HMMR: variants seen among roughly 807,000 people sequenced by gnomAD.
HMMR encodes intracellular hyaluronic acid-binding protein.
A neutral mutation model predicts 101.0 loss-of-function variants in HMMR; 108 were observed. The ratio of observed to expected loss-of-function variants is 1.07; its 90% CI spans 0.92 to 1.25. The LOEUF (loss-of-function observed/expected upper bound fraction) is 1.25. Among genes scored for constraint, HMMR ranks in the 50% most tolerant of loss-of-function variants. The pLI is 0.00. For synonymous variants in HMMR, 296 were observed against 276.4 expected (o/e 1.07, Z -0.70); for missense variants, 813 against 788.7 (o/e 1.03, Z -0.37).
At chr5:163,473,657 C>A in intron 9 of HMMR, 100 bp downstream of exon 9, 1 of 682,808 alleles carries the variant, frequency 1.5e-6, no homozygotes, top group Non-Finnish European at 2.4e-6. Context: ...ATATAATTAG[C>A]TATACTAACA....
chr5:163,483,611 T>TA (rs1431110199), intron 15 of HMMR, among the ~76,000 whole-genome samples: 6 of 151,908 alleles, frequency 3.9e-5, no homozygotes, highest in Non-Finnish European at 8.8e-5. Flanking sequence ...CTTTGTGGTT[T>TA]AAAAAAAAAC....
intron 11 of HMMR, among the ~76,000 whole-genome samples, chr5:163,476,590 A>T (rs1428697594): frequency 2.6e-5 from 4 of 152,132 alleles, no homozygotes; most frequent in Admixed American, 2.0e-4. Context: ...CTCAACGATT[A>T]TACCTGTTAA....
chr5:163,489,670 C>T (rs1759613213), intron 16 of HMMR, among the ~76,000 whole-genome samples: 1 of 152,178 alleles, frequency 6.6e-6, no homozygotes, highest in Non-Finnish European at 1.5e-5. Context: ...TTTCAACACA[C>T]TGTGCCCAAG....
At position 163,483,000 on chromosome 5, in the gene HMMR, T is replaced by C. The variant is rs761440573; in HGVS notation, c.1533-20T>C. On this transcript the variant is annotated intron_variant, in intron 13 of 17. Transcript: ENST00000393915. Reference sequence around the variant, plus strand: ...AGTGGCTATAAAATGTTTAGTGACCTCTTCTCTCTCAAACCAAAGGATGCT... The same window carrying C: ...AGTGGCTATAAAATGTTTAGTGACCCCTTCTCTCTCAAACCAAAGGATGCT... 6.4e-7 allele frequency: 1 copy of C among 1,561,430 alleles called. No homozygotes were observed. Among genetic ancestry groups the C allele is most frequent in the South Asian group, 1.2e-5 (1 of 82,162 alleles).
chr5:163,468,826 A>G (rs374420360), intron 4 of HMMR, among the ~76,000 whole-genome samples: 5 of 151,820 alleles, frequency 3.3e-5, no homozygotes, highest in African/African-American at 1.2e-4. Flanking sequence ...TAAAAATATC[A>G]TTTCATTGTC....
intron 1 of HMMR, among the ~76,000 whole-genome samples, chr5:163,462,912 A>G (rs1028236346): frequency 2.0e-5 from 3 of 151,502 alleles, no homozygotes; most frequent in Non-Finnish European, 4.4e-5. Flanking sequence ...TTGCCTGGGA[A>G]TGGTCCAAGC....
Position 163,483,346 on chromosome 5 carries a change from T to G in HMMR, c.1764T>G (p.Tyr588Ter). The G allele has an allele frequency of 6.3e-7, 1 of 1,588,604 alleles. No individual in the cohort carries two copies. The highest frequency in any genetic ancestry group is 8.6e-7 in the Non-Finnish European group (1 of 1,159,552). Residue 588 changes from tyrosine (Y) to a stop codon, truncating the protein, a stop_gained, in exon 15 of 18, where the codon TAT becomes TAG. Transcript: ENST00000393915. LOFTEE classifies it high-confidence loss of function. The stretch of plus-strand genomic sequence containing the variant: ...GGCGTCTCCTCTATGAAGAACTATA[T>G]AATAAAACAAAACCTTTTCAGGTTT... ...NKWRLLYEEL[Y>*]NKTKPFQLQL...
intron 12 of HMMR, among the ~76,000 whole-genome samples, chr5:163,480,044 A>G (rs1759204111): frequency 6.6e-6 from 1 of 152,220 alleles, no homozygotes; most frequent in Non-Finnish European, 1.5e-5. Flanking sequence ...AATGCATAAC[A>G]TGTACATAAA....
rs199817245 is a variant in HMMR, at chr5:163,478,792, A to G, written c.1377A>G (p.Gln459=). ...AAAGCCTTGAAGATGTTACTGCTCA[A>G]TTTGAAAGGTATTTTTCTTGGGAGC... ...MVQSLEDVTA[Q]FESYKALTAS... The change falls in exon 12 of 18, where the codon CAA becomes CAG. Residue 459 remains glutamine (Q), a synonymous_variant. Coordinates refer to ENST00000393915, the MANE Select transcript of HMMR (RefSeq NM_001142556.2). The G allele has an allele frequency of 8.3e-5, 130 of 1,574,584 alleles. No individual in the cohort carries two copies. The highest frequency in any genetic ancestry group is 9.5e-5 in the Non-Finnish European group (109 of 1,144,046).
rs1561645724 is a variant in HMMR, at chr5:163,483,313, T to G, written c.1731T>G (p.Ile577Met). The change falls in exon 15 of 18, where the codon ATT (isoleucine) becomes ATG (methionine). Residue 577 changes from isoleucine (I) to methionine (M), a missense_variant. Coordinates refer to ENST00000393915, the MANE Select transcript of HMMR (RefSeq NM_001142556.2). ...CAACAGCAGAATTAACTGAAGAAAT[T>G]AACAAGTGGCGTCTCCTCTATGAAG... The part of the protein sequence containing the change: ...ENTTAELTEE[I>M]NKWRLLYEEL... 6.2e-7 allele frequency: 1 copy of G among 1,610,874 alleles called. No homozygotes were observed. The highest frequency in any genetic ancestry group is 8.5e-7 in the Non-Finnish European group (1 of 1,177,354).
intron 7 of HMMR, among the ~76,000 whole-genome samples, chr5:163,471,997 T>C (rs1019026886): frequency 6.6e-6 from 1 of 152,084 alleles, no homozygotes. Context: ...AACTACTTTC[T>C]CACTTACATC....
Position 163,484,079 on chromosome 5 carries a change from A to C in HMMR, c.1796A>C (p.Asp599Ala). The change falls in exon 16 of 18, where the codon GAT becomes GCT. Residue 599 changes from aspartate (D) to alanine (A), a missense_variant. Physicochemically the swap from Asp to Ala is moderately radical, Grantham distance 126. Coordinates refer to ENST00000393915, the MANE Select transcript of HMMR (RefSeq NM_001142556.2). ...NKTKPFQLQL[D>A]AFEVEKQALL... is the part of the protein sequence containing the mutation. Reference sequence around the variant, plus strand: ...AAAAATCTTTTTCAGCTACAACTAGATGCTTTTGAAGTAGAAAAACAGGCA... The same window carrying C: ...AAAAATCTTTTTCAGCTACAACTAGCTGCTTTTGAAGTAGAAAAACAGGCA... 6.3e-7 allele frequency: 1 copy of C among 1,587,930 alleles called. No individual in the cohort carries two copies. Among genetic ancestry groups the C allele is most frequent in the Non-Finnish European group, 8.6e-7 (1 of 1,167,380 alleles).
chr5:163,469,861 G>A, intron 5 of HMMR, 32 bp downstream of exon 5: 1 of 1,448,750 alleles, frequency 6.9e-7, no homozygotes, highest in Non-Finnish European at 9.6e-7. Context: ...ATTTACAATT[G>A]AATAAATATA....
Position 163,474,111 on chromosome 5 carries a change from A to C in HMMR, c.959A>C (p.Gln320Pro), listed in dbSNP as rs757514146. 9.9e-6 allele frequency: 16 copies of C among 1,611,910 alleles called. No homozygotes were observed. The East Asian group carries it at 2.9e-4, about 29-fold the overall frequency. The change falls in exon 10 of 18, where the codon CAA (glutamine) becomes CCA (proline). Residue 320 changes from glutamine to proline, a missense_variant. Coordinates refer to ENST00000393915, the MANE Select transcript of HMMR (RefSeq NM_001142556.2). ...EHNENLNAEM[Q>P]NLKQKFILEQ... ...AACGAAAATCTAAATGCAGAGATGC[A>C]AAACTTAAAACAGAAGTTTATTCTT... is the stretch of plus-strand genomic sequence containing the variant.
chr5:163,467,711 A>G lies in HMMR; in HGVS notation c.236A>G (p.Gln79Arg), dbSNP rs767059677. 5 of 1,537,496 alleles carry G rather than the reference A, an allele frequency of 3.3e-6. No individual in the cohort carries two copies. Among genetic ancestry groups the G allele is most frequent in the Non-Finnish European group, 4.5e-6 (5 of 1,113,768 alleles). ...VKSSESKKES[Q>R]KNDKDLKILE... ...TTGGCTTTTAAACAGAAGGAATCTC[A>G]AAAGAATGATAAAGATTTGAAGATA... Residue 79 changes from glutamine (Q) to arginine (R), a missense_variant, in exon 4 of 18, where the codon CAA becomes CGA. Transcript: ENST00000393915.
At chr5:163,460,974 G>A (rs1758505152) in intron 1 of HMMR, among the ~76,000 whole-genome samples, 1 of 152,188 alleles carries the variant, frequency 6.6e-6, no homozygotes, top group Admixed American at 6.5e-5. Flanking sequence ...ATTCAGGCGG[G>A]GAATACTGTC....
intron 12 of HMMR, among the ~76,000 whole-genome samples, chr5:163,481,135 C>A (rs189528160): frequency 1.8e-3 from 273 of 152,074 alleles, no homozygotes; most frequent in African/African-American, 6.4e-3. Context: ...CTATGGACAA[C>A]CAACTGCCTA....
chr5:163,474,457 T>A, intron 10 of HMMR: 1 of 484,030 alleles, frequency 2.1e-6, no homozygotes, highest in African/African-American at 2.0e-5. Flanking sequence ...AAAAATTTTC[T>A]GGCTCATTCT....
chr5:163,474,102 C>G lies in HMMR; in HGVS notation c.950C>G (p.Ala317Gly). 1 of 1,611,234 alleles carries G rather than the reference C, an allele frequency of 6.2e-7. No homozygotes were observed. Among genetic ancestry groups the G allele is most frequent in the Middle Eastern group, 1.7e-4 (1 of 6,050 alleles). Residue 317 changes from alanine (A) to glycine (G), a missense_variant, in exon 10 of 18, where the codon GCA becomes GGA. By Grantham distance (60) the Ala-to-Gly change is moderately conservative. Coordinates refer to ENST00000393915, the MANE Select transcript of HMMR (RefSeq NM_001142556.2). ...RNREHNENLN[A>G]EMQNLKQKFI... ...AGAGAACACAACGAAAATCTAAATG[C>G]AGAGATGCAAAACTTAAAACAGAAG...
Sources: allele counts gnomAD v4.1 joint callset (sites outside exome capture counted in the v4.1 genomes callset), GRCh38; gene constraint gnomAD v4.1.1; transcripts MANE v1.5; gene names NCBI Gene and HGNC (gene_info 2026-07-23, HGNC 2026-07-21).